The following HCN1 variants were observed in gnomAD, a reference collection of about 807,000 sequenced individuals.
HCN1 encodes the protein potassium/sodium hyperpolarization-activated cyclic nucleotide-gated channel 1.
In HCN1, 13 loss-of-function variants were observed where a neutral mutation model predicts 78.9. The ratio of observed to expected loss-of-function variants is 0.16; its 90% CI spans 0.11 to 0.26. The LOEUF (loss-of-function observed/expected upper bound fraction) is 0.26. Ranked by LOEUF, HCN1 falls within the 10% of genes least tolerant of loss-of-function variation. The pLI, the probability that HCN1 is intolerant of heterozygous loss-of-function variation, is 1.00. For synonymous variants in HCN1, 552 were observed against 455.5 expected, an observed-to-expected ratio of 1.21 and a Z score of -2.70; for missense variants, 810 against 1,154.3, an observed-to-expected ratio of 0.70 and a Z score of 4.32.
At chr5:45,625,054 TA>T in intron 2 of HCN1, among the ~76,000 whole-genome samples, 1 of 152,184 alleles carries the variant, frequency 6.6e-6, no homozygotes, top group South Asian at 2.1e-4. Context: ...ATGTTGGTAT[TA>T]AAAAAATTCA....
chr5:45,499,391 G>C (rs766753680), intron 2 of HCN1, among the ~76,000 whole-genome samples: 66 of 152,230 alleles, frequency 4.3e-4, no homozygotes, highest in Non-Finnish European at 9.3e-4. Flanking sequence ...CTAGGAAAGG[G>C]AACTCCCTGA....
chr5:45,280,860 A>C (rs1745145593), intron 6 of HCN1, among the ~76,000 whole-genome samples: 1 of 152,156 alleles, frequency 6.6e-6, no homozygotes, highest in African/African-American at 2.4e-5. Context: ...TGTTCATGAG[A>C]GATAGCTATT....
intron 2 of HCN1, among the ~76,000 whole-genome samples, chr5:45,612,016 A>C (rs576023663): frequency 6.6e-6 from 1 of 152,336 alleles, no homozygotes; most frequent in East Asian, 1.9e-4. Flanking sequence ...TTTATGAAAT[A>C]TTTGAATCCT....
chr5:45,525,028 TC>T (rs1197501686), intron 2 of HCN1, among the ~76,000 whole-genome samples: 11 of 152,268 alleles, frequency 7.2e-5, no homozygotes, highest in African/African-American at 2.4e-4. Flanking sequence ...TTGAGATACG[TC>T]CCATCAATAC....
chr5:45,453,220 C>T (rs1408216637), intron 3 of HCN1, among the ~76,000 whole-genome samples: 1 of 152,072 alleles, frequency 6.6e-6, no homozygotes, highest in Non-Finnish European at 1.5e-5. Flanking sequence ...AATTGCCTGA[C>T]ATCCGTATAT....
intron 5 of HCN1, among the ~76,000 whole-genome samples, chr5:45,335,293 C>T (rs536748265): frequency 9.2e-5 from 14 of 152,170 alleles, no homozygotes; most frequent in Admixed American, 7.9e-4. Flanking sequence ...TTCCAACAGG[C>T]ACTCATAAAC....
rs1744637741 is a variant in HCN1, at chr5:45,257,359, C to T, written c.*4562G>A. 6.6e-6 allele frequency: 1 copy of T among 152,138 alleles called. No homozygotes were observed. Among genetic ancestry groups the T allele is most frequent in the African/African-American group, 2.4e-5 (1 of 41,428 alleles). The allele number at this position is 152,138 out of a possible 1,614,324, so 9.4% of individuals were successfully genotyped here. On this transcript the variant is annotated 3_prime_UTR_variant, in exon 8 of 8. Coordinates refer to ENST00000303230, the MANE Select transcript of HCN1 (RefSeq NM_021072.4). ...CAATCAGCTGTGCTCTGTTAAACAT[C>T]CACATTTTAGAAAAGCATGCTTAAT...
intron 2 of HCN1, among the ~76,000 whole-genome samples, chr5:45,629,061 A>C (rs1017839386): frequency 3.9e-5 from 6 of 152,004 alleles, no homozygotes; most frequent in African/African-American, 1.4e-4. Flanking sequence ...TGGCAATATT[A>C]ATATCCAACA....
intron 3 of HCN1, among the ~76,000 whole-genome samples, chr5:45,454,330 G>A (rs2878967): frequency 0.29 from 44,720 of 151,594 alleles, 6,839 homozygotes; most frequent in East Asian, 0.47. Context: ...TTTGCTAATT[G>A]GGAGAGACAG....
At chr5:45,533,148 C>T (rs574558946) in intron 2 of HCN1, among the ~76,000 whole-genome samples, 1 of 152,254 alleles carries the variant, frequency 6.6e-6, no homozygotes, top group South Asian at 2.1e-4. Flanking sequence ...CAGAAATCAG[C>T]ACAATTGATG....
At chr5:45,339,257 A>G (rs1746525238) in intron 5 of HCN1, among the ~76,000 whole-genome samples, 1 of 152,184 alleles carries the variant, frequency 6.6e-6, no homozygotes, top group Non-Finnish European at 1.5e-5. Flanking sequence ...CATAGTCTTT[A>G]AAGAGATAAT....
chr5:45,402,999 C>A (rs980413081), intron 3 of HCN1, among the ~76,000 whole-genome samples: 2 of 151,916 alleles, frequency 1.3e-5, no homozygotes, highest in Non-Finnish European at 2.9e-5. Context: ...TGGGCTCCAG[C>A]AATCCCATAT....
At chr5:45,281,988 T>C (rs1745179290) in intron 6 of HCN1, among the ~76,000 whole-genome samples, 1 of 152,146 alleles carries the variant, frequency 6.6e-6, no homozygotes, top group African/African-American at 2.4e-5. Flanking sequence ...CACGTTTAAA[T>C]TTTATTGACT....
chr5:45,393,140 A>G (rs1433048057), intron 4 of HCN1, among the ~76,000 whole-genome samples: 1 of 152,190 alleles, frequency 6.6e-6, no homozygotes, highest in African/African-American at 2.4e-5. Flanking sequence ...CTTTGGTCAT[A>G]TTCAAGTTGG....
At chr5:45,344,720 C>A (rs561866907) in intron 5 of HCN1, among the ~76,000 whole-genome samples, 1 of 152,196 alleles carries the variant, frequency 6.6e-6, no homozygotes, top group African/African-American at 2.4e-5. Context: ...GAGGTGGGCT[C>A]GCATGGCCTT....
At chr5:45,370,308 A>C (rs944617353) in intron 4 of HCN1, among the ~76,000 whole-genome samples, 1 of 152,024 alleles carries the variant, frequency 6.6e-6, no homozygotes, top group Non-Finnish European at 1.5e-5. Context: ...TAACTGAAAA[A>C]CTTGATTTAT....
chr5:45,525,447 TCG>T (rs1489986942), intron 2 of HCN1, among the ~76,000 whole-genome samples: 4,993 of 151,788 alleles, frequency 0.033, 259 homozygotes, highest in African/African-American at 0.11. Context: ...TGGTTTAATA[TCG>T]ACATCAAATA....
intron 2 of HCN1, chr5:45,641,626 T>G (rs762075151): frequency 8.5e-5 from 13 of 152,194 alleles, no homozygotes; most frequent in Non-Finnish European, 1.6e-4. Flanking sequence ...ATTTCCCACT[T>G]TTTAAAATTA....
At position 45,664,466 on chromosome 5, in the gene HCN1, A is replaced by T. The variant is rs544617118; in HGVS notation, c.426-18858T>A. On this transcript the variant is annotated intron_variant, in intron 1 of 7. Transcript: ENST00000303230. Reference sequence around the variant, plus strand: ...AAAACTTAAAGTATAATAATAATAAAAAAAAGAAAAAAAAAAAAAGAAACT... The same window carrying T: ...AAAACTTAAAGTATAATAATAATAATAAAAAGAAAAAAAAAAAAAGAAACT... Among the ~76,000 whole-genome samples the T allele has an allele frequency of 1.4e-4, 20 of 146,486 alleles. No individual in the cohort carries two copies. In the East Asian group the frequency reaches 3.1e-3, roughly 23 times the overall value.
Sources: gnomAD v4.1 joint callset for allele counts (sites outside exome capture counted in the v4.1 genomes callset) on GRCh38, gnomAD v4.1.1 for gene constraint, MANE v1.5 for transcripts, NCBI Gene and HGNC (gene_info 2026-07-23, HGNC 2026-07-21) for gene names.